Variants in GABRB1 observed in about 807,000 individuals in gnomAD.
The protein encoded by GABRB1 is gamma-aminobutyric acid type A receptor subunit beta1, also known as gamma-aminobutyric acid receptor subunit beta-1.
In GABRB1, 17 loss-of-function variants were observed where a neutral mutation model predicts 51.6. The ratio of observed to expected loss-of-function variants is 0.33; its 90% confidence interval spans 0.23 to 0.49. The LOEUF (loss-of-function observed/expected upper bound fraction) is 0.49. Ranked by LOEUF, GABRB1 falls within the 20% of genes least tolerant of loss-of-function variation. GABRB1 has a pLI of 0.99. For missense variants in GABRB1, 410 were observed against 600.6 expected (o/e 0.68, Z 3.32); for synonymous variants, 247 against 218.9 (o/e 1.13, Z -1.14).
intron 4 of GABRB1, among the ~76,000 whole-genome samples, chr4:47,240,107 C>T (rs1721469079): frequency 2.0e-5 from 3 of 152,120 alleles, no homozygotes; most frequent in Admixed American, 1.3e-4. Context: ...CCATCTGACC[C>T]TGCAGCTCAG....
chr4:47,327,277 C>T (rs1725294706), intron 5 of GABRB1, among the ~76,000 whole-genome samples: 2 of 150,768 alleles, frequency 1.3e-5, no homozygotes. Context: ...GATCACTTGA[C>T]TCCAGGAGTT....
intron 4 of GABRB1, among the ~76,000 whole-genome samples, chr4:47,203,853 A>C (rs1166501062): frequency 6.6e-6 from 1 of 152,074 alleles, no homozygotes; most frequent in Non-Finnish European, 1.5e-5. Flanking sequence ...CTACTCTTGG[A>C]ACAACTCCCA....
chr4:47,316,291 A>C (rs1021688326), intron 4 of GABRB1, among the ~76,000 whole-genome samples: 5 of 151,406 alleles, frequency 3.3e-5, no homozygotes, highest in Admixed American at 1.3e-4. Flanking sequence ...CTATCTTGAG[A>C]TCCATTTTTT....
chr4:47,094,601 C>A (rs1446770404), intron 3 of GABRB1, among the ~76,000 whole-genome samples: 1 of 151,864 alleles, frequency 6.6e-6, no homozygotes, highest in African/African-American at 2.4e-5. Context: ...TGCACTGGGG[C>A]CTATCAGAGG....
chr4:47,387,983 C>T (rs752442076), intron 5 of GABRB1, among the ~76,000 whole-genome samples: 4 of 152,070 alleles, frequency 2.6e-5, no homozygotes, highest in African/African-American at 7.2e-5. Flanking sequence ...AAATAAAGCT[C>T]GGAAGGAGAT....
At chr4:47,326,641 A>G (rs1725272569) in intron 5 of GABRB1, among the ~76,000 whole-genome samples, 1 of 152,076 alleles carries the variant, frequency 6.6e-6, no homozygotes, top group African/African-American at 2.4e-5. Context: ...TGCTCTTATA[A>G]AAGAAGCCCT....
At chr4:47,064,143 G>A (rs1726957793) in intron 3 of GABRB1, among the ~76,000 whole-genome samples, 2 of 151,588 alleles carry the variant, frequency 1.3e-5, no homozygotes, top group African/African-American at 4.8e-5. Context: ...TTGATCAAGT[G>A]AGCAGCCTTG....
chr4:47,172,285 A>T (rs989650073), intron 4 of GABRB1, among the ~76,000 whole-genome samples: 1 of 152,196 alleles, frequency 6.6e-6, no homozygotes, highest in Non-Finnish European at 1.5e-5. Flanking sequence ...ATTTTTGTAT[A>T]TCAATCTAAG....
intron 7 of GABRB1, 37 bp from the exon 8 acceptor site, chr4:47,406,645 G>A (rs1205018202): frequency 6.2e-7 from 1 of 1,612,160 alleles, no homozygotes; most frequent in Admixed American, 1.7e-5. Context: ...ACTTAATAGT[G>A]GCACCTTCAG....
At chr4:47,095,903 T>C (rs28479557) in intron 3 of GABRB1, among the ~76,000 whole-genome samples, 2,048 of 152,332 alleles carry the variant, frequency 0.013, 36 homozygotes, top group African/African-American at 0.047. Flanking sequence ...AAACATCCAA[T>C]AGACTAAACA....
intron 3 of GABRB1, among the ~76,000 whole-genome samples, chr4:47,123,820 A>C (rs1715968116): frequency 1.1e-5 from 1 of 94,584 alleles, no homozygotes; most frequent in Admixed American, 1.8e-4. Flanking sequence ...ATTATATATT[A>C]TATTATATTA....
chr4:47,002,644 A>G (rs1008799303), intron 1 of GABRB1, among the ~76,000 whole-genome samples: 1 of 152,198 alleles, frequency 6.6e-6, no homozygotes, highest in African/African-American at 2.4e-5. Context: ...CACGCAAACT[A>G]AATGATTAAA....
At chr4:47,019,024 T>C (rs891025013) in intron 1 of GABRB1, among the ~76,000 whole-genome samples, 3 of 152,200 alleles carry the variant, frequency 2.0e-5, no homozygotes, top group African/African-American at 7.2e-5. Flanking sequence ...TGAAAATATA[T>C]TAAACTTTTC....
At position 47,063,780 on chromosome 4, in the gene GABRB1, C is replaced by T. The variant is rs142988246; in HGVS notation, c.240+31296C>T. The stretch of plus-strand genomic sequence containing the variant: ...AGCCATTATCCTCAGCAAACTAACA[C>T]GGGAACAGAAAACCAAACACCACGT... On this transcript the variant is annotated intron_variant, in intron 3 of 8. Transcript: ENST00000295454. Among the ~76,000 whole-genome samples, 715 of 152,194 alleles carry T rather than the reference C, an allele frequency of 4.7e-3. 2 individuals are homozygous for T. The highest frequency in any genetic ancestry group is 8.6e-3 in the Non-Finnish European group (587 of 68,018).
At chr4:47,201,082 A>T (rs1719879427) in intron 4 of GABRB1, among the ~76,000 whole-genome samples, 1 of 152,186 alleles carries the variant, frequency 6.6e-6, no homozygotes, top group African/African-American at 2.4e-5. Flanking sequence ...AATATATCTG[A>T]ATGTAACCTC....
chr4:47,188,028 C>T (rs773144875), intron 4 of GABRB1, among the ~76,000 whole-genome samples: 1 of 151,844 alleles, frequency 6.6e-6, no homozygotes, highest in African/African-American at 2.4e-5. Flanking sequence ...AACCATTTTT[C>T]AAATCACGTA....
chr4:47,334,456 C>A (rs926894619), intron 5 of GABRB1, among the ~76,000 whole-genome samples: 3 of 152,226 alleles, frequency 2.0e-5, no homozygotes, highest in East Asian at 3.9e-4. Context: ...AATACATACA[C>A]CTGAACAGCA....
At chr4:47,036,316 A>T (rs1439812428) in intron 3 of GABRB1, among the ~76,000 whole-genome samples, 1 of 152,196 alleles carries the variant, frequency 6.6e-6, no homozygotes, top group African/African-American at 2.4e-5. Flanking sequence ...ATATCTCATT[A>T]CTATCACTGT....
intron 4 of GABRB1, among the ~76,000 whole-genome samples, chr4:47,243,671 T>A (rs1721624214): frequency 6.6e-6 from 1 of 152,232 alleles, no homozygotes; most frequent in Non-Finnish European, 1.5e-5. Flanking sequence ...AGTTCACTCA[T>A]GATTTGGCTC....
Sources: gnomAD v4.1 joint callset for allele counts (sites outside exome capture counted in the v4.1 genomes callset) on GRCh38, gnomAD v4.1.1 for gene constraint, MANE v1.5 for transcripts, NCBI Gene and HGNC (gene_info 2026-07-23, HGNC 2026-07-21) for gene names.